The following SDK1 variants were observed in gnomAD, a reference collection of about 807,000 sequenced individuals.
SDK1 encodes sidekick cell adhesion molecule 1.
A neutral mutation model predicts 245.5 loss-of-function variants in SDK1; 157 were observed. The ratio of observed to expected loss-of-function variants is 0.64; its 90% CI spans 0.56 to 0.73. SDK1 has a LOEUF of 0.73. SDK1 is among the 30% of genes least tolerant of loss of function. The pLI is 0.00. For synonymous variants in SDK1, 1,647 were observed against 1,278.5 expected (o/e 1.29, Z -6.15); for missense variants, 3,583 against 3,002.3 (o/e 1.19, Z -4.52).
In SDK1 at chr7:3,548,427, A is replaced by G. The variant is rs141436353; in HGVS notation, c.299-70653A>G. ...CCAAAACTACTGAGCTACATTTTAA[A>G]TGTTAATAGATAATGCGAGATTACG... On this transcript the variant is annotated intron_variant, in intron 1 of 44. Transcript: ENST00000404826. Among the ~76,000 whole-genome samples, 10 of 152,326 alleles carry G rather than the reference A, an allele frequency of 6.6e-5. 1 individual carries two copies. The East Asian group carries it at 1.2e-3, about 18-fold the overall frequency.
In SDK1 at chr7:4,069,884, C is replaced by T. The variant is rs547172407; in HGVS notation, c.3010+1948C>T. On this transcript the variant is annotated intron_variant, in intron 20 of 44. Coordinates refer to ENST00000404826, the MANE Select transcript of SDK1 (RefSeq NM_152744.4). ...ACAAGGCTGAGGTTTAGGGTGGTGA[C>T]GTCCCACCATCACAGCCAATGGGCA... 1.2e-4 allele frequency among the ~76,000 whole-genome samples: 18 copies of T among 152,298 alleles called. No homozygotes were observed. The South Asian group carries it at 3.3e-3, about 28-fold the overall frequency.
intron 1 of SDK1, among the ~76,000 whole-genome samples, chr7:3,538,719 T>A (rs556570817): frequency 6.6e-6 from 1 of 152,196 alleles, no homozygotes; most frequent in African/African-American, 2.4e-5. Flanking sequence ...CACAGGAGTT[T>A]ATACTCTCTA....
chr7:3,564,927 C>T (rs1779862663), intron 1 of SDK1, among the ~76,000 whole-genome samples: 1 of 151,898 alleles, frequency 6.6e-6, no homozygotes, highest in South Asian at 2.1e-4. Flanking sequence ...GCGATTATCT[C>T]AAGCAGTCAC....
intron 13 of SDK1, among the ~76,000 whole-genome samples, chr7:3,978,452 C>T (rs1160016777): frequency 6.6e-6 from 1 of 152,202 alleles, no homozygotes; most frequent in African/African-American, 2.4e-5. Context: ...ATAGAAATCT[C>T]TGCAAATTTG....
chr7:3,556,738 G>A (rs1209966113), intron 1 of SDK1, among the ~76,000 whole-genome samples: 1 of 152,114 alleles, frequency 6.6e-6, no homozygotes, highest in South Asian at 2.1e-4. Flanking sequence ...AGGAGGCAGT[G>A]AGCCAAGATC....
intron 1 of SDK1, among the ~76,000 whole-genome samples, chr7:3,395,369 AAT>A (rs1033766163): frequency 2.0e-5 from 3 of 151,890 alleles, no homozygotes; most frequent in South Asian, 2.1e-4. Flanking sequence ...TTGGTTCACT[AAT>A]ATTTTATTGA....
At chr7:3,618,305 G>A (rs1262772128) in intron 1 of SDK1, among the ~76,000 whole-genome samples, 6 of 152,112 alleles carry the variant, frequency 3.9e-5, no homozygotes, top group Admixed American at 6.6e-5. Context: ...CACCCCCGTC[G>A]CTATCCCATC....
intron 1 of SDK1, among the ~76,000 whole-genome samples, chr7:3,410,296 A>ATAT (rs112591361): frequency 0.058 from 8,753 of 152,186 alleles, 700 homozygotes; most frequent in African/African-American, 0.18. Context: ...ATTATTAAAA[A>ATAT]TATATAAAGT....
At chr7:4,168,918 A>C (rs983138782) in intron 32 of SDK1, among the ~76,000 whole-genome samples, 1 of 152,078 alleles carries the variant, frequency 6.6e-6, no homozygotes, top group Non-Finnish European at 1.5e-5. Flanking sequence ...CTCCCACCCC[A>C]CCACCAGTGT....
chr7:3,886,411 G>A (rs1036340923), intron 5 of SDK1, among the ~76,000 whole-genome samples: 1 of 152,154 alleles, frequency 6.6e-6, no homozygotes, highest in Non-Finnish European at 1.5e-5. Flanking sequence ...AGACCATCGG[G>A]GTATTTTTAC....
chr7:3,571,935 C>T (rs1209948763), intron 1 of SDK1, among the ~76,000 whole-genome samples: 2 of 152,046 alleles, frequency 1.3e-5, no homozygotes, highest in African/African-American at 2.4e-5. Context: ...CCATCCCATC[C>T]CATCCCTTCT....
intron 13 of SDK1, among the ~76,000 whole-genome samples, chr7:3,974,999 G>A (rs1188835308): frequency 2.0e-5 from 3 of 152,066 alleles, no homozygotes; most frequent in Admixed American, 1.3e-4. Context: ...CTGCCCCTCC[G>A]TGGGTAAATA....
At chr7:3,720,554 A>G (rs1330651308) in intron 4 of SDK1, among the ~76,000 whole-genome samples, 1 of 152,230 alleles carries the variant, frequency 6.6e-6, no homozygotes, top group Non-Finnish European at 1.5e-5. Context: ...ATCAGAATGG[A>G]TAAAATAAAA....
At chr7:4,157,145 A>G (rs537134957) in intron 30 of SDK1, among the ~76,000 whole-genome samples, 22 of 152,232 alleles carry the variant, frequency 1.4e-4, no homozygotes, top group African/African-American at 5.3e-4. Flanking sequence ...GGCTTCACCA[A>G]GATCCCAGCA....
chr7:3,725,336 G>A (rs140713196), intron 4 of SDK1, among the ~76,000 whole-genome samples: 1 of 152,196 alleles, frequency 6.6e-6, no homozygotes, highest in African/African-American at 2.4e-5. Flanking sequence ...CCTTCTCAAA[G>A]CATTGCAGCC....
chr7:3,349,936 T>C (rs575098239), intron 1 of SDK1, among the ~76,000 whole-genome samples: 29 of 152,270 alleles, frequency 1.9e-4, no homozygotes, highest in African/African-American at 7.0e-4. Flanking sequence ...ACATCCTGGA[T>C]TGGTAGATAC....
At chr7:4,149,492 G>C (rs770142194) in intron 30 of SDK1, 29 bp downstream of exon 30, 1 of 1,396,840 alleles carries the variant, frequency 7.2e-7, no homozygotes, top group South Asian at 1.6e-5. Context: ...CACCTCCCCG[G>C]GGAACGGGGC....
chr7:3,324,384 C>G (rs1317494021), intron 1 of SDK1, among the ~76,000 whole-genome samples: 1 of 152,126 alleles, frequency 6.6e-6, no homozygotes, highest in Non-Finnish European at 1.5e-5. Context: ...CTTACCTACT[C>G]AATAGCTCCC....
chr7:4,003,228 G>A (rs1456080557), intron 14 of SDK1, among the ~76,000 whole-genome samples: 3 of 152,230 alleles, frequency 2.0e-5, no homozygotes, highest in Non-Finnish European at 4.4e-5. Context: ...GTTCCACGCA[G>A]GGCCTCCTAA....
Sources: gnomAD v4.1 joint callset for allele counts (sites outside exome capture counted in the v4.1 genomes callset) on GRCh38, gnomAD v4.1.1 for gene constraint, MANE v1.5 for transcripts, NCBI Gene and HGNC (gene_info 2026-07-23, HGNC 2026-07-21) for gene names.